The following PSIP1 variants were observed in gnomAD, a reference collection of about 807,000 sequenced individuals.
PSIP1 encodes the protein PC4 and SFRS1-interacting protein.
A neutral mutation model predicts 74.7 loss-of-function variants in PSIP1; 19 were observed. That is an observed-to-expected ratio of 0.25 (90% CI 0.18 to 0.37). The LOEUF (loss-of-function observed/expected upper bound fraction) is 0.37, where lower values mean the gene tolerates loss of function less well. PSIP1 is among the 10% of genes least tolerant of loss of function. PSIP1 has a pLI of 1.00. For synonymous variants in PSIP1, 222 were observed against 195.3 expected (o/e 1.14, Z -1.14); for missense variants, 601 against 614.3 (o/e 0.98, Z 0.23).
In PSIP1 at chr9:15,490,375, A is replaced by G. The variant is rs77765550; in HGVS notation, c.150-251T>C. Among the ~76,000 whole-genome samples the G allele has an allele frequency of 6.7e-3, 1,015 of 152,300 alleles. 9 individuals are homozygous for G. The highest frequency in any genetic ancestry group is 0.023 in the African/African-American group (970 of 41,556). ...AATGTGAATGTACTTAACACTGCTGAACTATACACTTAAAAATGGTTACAT... is the reference window on the plus strand; with the variant it reads ...AATGTGAATGTACTTAACACTGCTGGACTATACACTTAAAAATGGTTACAT... On this transcript the variant is annotated intron_variant, in intron 3 of 15. Transcript: ENST00000380733.
intron 6 of PSIP1, among the ~76,000 whole-genome samples, chr9:15,485,210 A>C (rs779006342): frequency 2.0e-5 from 3 of 152,092 alleles, no homozygotes; most frequent in Non-Finnish European, 4.4e-5. Context: ...TTTCCCTCAG[A>C]CTTTATGGTG....
At chr9:15,481,183 TAG>T (rs2036320015) in intron 6 of PSIP1, among the ~76,000 whole-genome samples, 1 of 152,196 alleles carries the variant, frequency 6.6e-6, no homozygotes, top group Non-Finnish European at 1.5e-5. Flanking sequence ...CCTGATTCAA[TAG>T]CTCTGAGTCA....
intron 4 of PSIP1, chr9:15,489,249 G>A (rs926666333): frequency 6.6e-6 from 1 of 152,116 alleles, no homozygotes; most frequent in Non-Finnish European, 1.5e-5. Context: ...GCATAGTGCT[G>A]TAAGTACATT....
intron 3 of PSIP1, among the ~76,000 whole-genome samples, chr9:15,496,959 C>G (rs1344933942): frequency 3.3e-5 from 5 of 152,106 alleles, no homozygotes; most frequent in African/African-American, 1.2e-4. Flanking sequence ...TGGAACCCTC[C>G]TACAATTGCT....
Position 15,474,216 on chromosome 9 carries a change from A to T in PSIP1, c.651T>A (p.Ser217Arg), listed in dbSNP as rs766532453. 3.1e-6 allele frequency: 5 copies of T among 1,610,266 alleles called. No individual in the cohort carries two copies. Among genetic ancestry groups the T allele is most frequent in the South Asian group, 1.1e-5 (1 of 90,152 alleles). Reference protein sequence around the residue: ...ESDIITEEDKSKKKGQEEKQP... With the variant: ...ESDIITEEDKRKKKGQEEKQP... The stretch of plus-strand genomic sequence containing the variant: ...GTTTTTCCTCTTGCCCCTTTTTCTT[A>T]CTTTTGTCCTCTTCAGTAATGCTAT... Residue 217 changes from serine (S) to arginine (R), a missense_variant, in exon 9 of 16, where the codon AGT (serine) becomes AGA (arginine). Transcript: ENST00000380733.
At chr9:15,476,607 T>G (rs1358785310) in intron 8 of PSIP1, among the ~76,000 whole-genome samples, 1 of 152,198 alleles carries the variant, frequency 6.6e-6, no homozygotes, top group East Asian at 1.9e-4. Context: ...AAATTGGACT[T>G]CATTAATCCT....
intron 3 of PSIP1, among the ~76,000 whole-genome samples, chr9:15,493,744 T>C (rs925096176): frequency 6.6e-6 from 1 of 152,186 alleles, no homozygotes; most frequent in Non-Finnish European, 1.5e-5. Context: ...CAGACACTTA[T>C]GAAACCATCA....
chr9:15,509,671 C>G (rs1031935136), intron 2 of PSIP1, among the ~76,000 whole-genome samples: 1 of 151,928 alleles, frequency 6.6e-6, no homozygotes, highest in Admixed American at 6.5e-5. Flanking sequence ...TTTTTAAAAC[C>G]CTGTAAATCC....
intron 2 of PSIP1, among the ~76,000 whole-genome samples, chr9:15,507,771 ATCC>A (rs1168944972): frequency 4.0e-4 from 61 of 152,378 alleles, no homozygotes; most frequent in African/African-American, 1.1e-3. Context: ...AGGACCTACT[ATCC>A]TCTGTAAGCA....
chr9:15,466,931 TC>T, intron 14 of PSIP1, 72 bp from the exon 15 acceptor site: 2 of 1,160,590 alleles, frequency 1.7e-6, no homozygotes, highest in Non-Finnish European at 2.5e-6. Context: ...CCACTAAAGA[TC>T]CAGAATCAAA....
In PSIP1 at chr9:15,510,593, G is replaced by A. The variant is rs1018754255; in HGVS notation, c.-142+224C>T. ...TCTTTCTCCGGGCTTTTTCCACCGA[G>A]CTTAAGCCCCAAAAGGGAGGGGGTG... On this transcript the variant is annotated intron_variant, in intron 1 of 15. Transcript: ENST00000380733. 9.2e-5 allele frequency among the ~76,000 whole-genome samples: 14 copies of A among 152,206 alleles called. No homozygotes were observed. The South Asian group carries it at 1.2e-3, about 14-fold the overall frequency.
intron 7 of PSIP1, among the ~76,000 whole-genome samples, chr9:15,479,092 T>C (rs1343803338): frequency 6.6e-6 from 1 of 152,104 alleles, no homozygotes; most frequent in Non-Finnish European, 1.5e-5. Context: ...ATTCACTCAA[T>C]TTTGGTTTTG....
chr9:15,507,336 A>T (rs921383741), intron 2 of PSIP1, among the ~76,000 whole-genome samples: 2 of 152,232 alleles, frequency 1.3e-5, no homozygotes, highest in African/African-American at 4.8e-5. Flanking sequence ...GGACTAAAGC[A>T]GTACTATCTA....
intron 4 of PSIP1, chr9:15,489,507 C>G (rs890448201): frequency 1.3e-5 from 2 of 149,028 alleles, no homozygotes; most frequent in East Asian, 2.0e-4. Flanking sequence ...ACTTGGGAGG[C>G]TGAGGCAGGA....
intron 5 of PSIP1, 86 bp downstream of exon 5, chr9:15,486,737 ATTAC>A (rs2036570233): frequency 5.6e-6 from 5 of 887,588 alleles, no homozygotes; most frequent in African/African-American, 1.7e-5. Flanking sequence ...TACTTTAAAA[ATTAC>A]TTACTAATTA....
chr9:15,482,693 A>G (rs894174979), intron 6 of PSIP1, among the ~76,000 whole-genome samples: 8 of 152,220 alleles, frequency 5.3e-5, no homozygotes, highest in African/African-American at 1.9e-4. Flanking sequence ...TTGCAGAGAA[A>G]AAGTGTTAAG....
chr9:15,473,916 A>AC (rs2035955542), intron 9 of PSIP1, 93 bp downstream of exon 9: 2 of 679,394 alleles, frequency 2.9e-6, no homozygotes, highest in South Asian at 3.7e-5. Flanking sequence ...AAAAAAAAAC[A>AC]AAAAAAAAAA....
chr9:15,470,756 C>T, intron 10 of PSIP1: 1 of 968,152 alleles, frequency 1.0e-6, no homozygotes, highest in Non-Finnish European at 1.2e-6. Flanking sequence ...AAGAATTAAA[C>T]AACAAAGGAA....
intron 3 of PSIP1, among the ~76,000 whole-genome samples, chr9:15,494,084 T>C (rs2036961686): frequency 6.6e-6 from 1 of 152,156 alleles, no homozygotes; most frequent in South Asian, 2.1e-4. Context: ...AACAGGAAAA[T>C]GGAACTGATA....
Sources: allele counts gnomAD v4.1 joint callset (sites outside exome capture counted in the v4.1 genomes callset), GRCh38; gene constraint gnomAD v4.1.1; transcripts MANE v1.5; gene names NCBI Gene and HGNC (gene_info 2026-07-23, HGNC 2026-07-21).